FAT4: variants seen among roughly 807,000 people sequenced by gnomAD.
FAT4 encodes the protein FAT atypical cadherin 4.
Under a neutral mutation model 303.9 loss-of-function variants are expected in FAT4, and 84 were observed. That is an observed-to-expected ratio of 0.28 (90% CI 0.23 to 0.33). The LOEUF is 0.33. Ranked by LOEUF, FAT4 falls within the 10% of genes least tolerant of loss-of-function variation. The pLI is 1.00. For missense variants in FAT4, 6,005 were observed against 6,146.8 expected, an observed-to-expected ratio of 0.98 and a Z score of 0.77; for synonymous variants, 2,307 against 2,298.8, an observed-to-expected ratio of 1.00 and a Z score of -0.10.
rs1735020530 is a variant in FAT4 at position 125,415,581 on chromosome 4, T to C, written c.6618T>C (p.Ser2206=). The stretch of plus-strand genomic sequence containing the variant: ...CCAATCAGGAATTTCGGATAGACTC[T>C]GTCACAGGTGCCATCACTGTCGCTA... ...GNTNQEFRID[S]VTGAITVAKP... The change falls in exon 6 of 18, where the codon TCT becomes TCC. Residue 2206 remains serine (S), a synonymous_variant. Coordinates refer to ENST00000394329, the MANE Select transcript of FAT4 (RefSeq NM_001291303.3). The C allele has an allele frequency of 4.3e-6, 7 of 1,614,094 alleles. No homozygotes were observed. Among genetic ancestry groups the C allele is most frequent in the Middle Eastern group, 3.3e-4 (2 of 6,060 alleles).
intron 10 of FAT4, among the ~76,000 whole-genome samples, chr4:125,461,672 A>G (rs1216667510): frequency 1.3e-5 from 2 of 152,064 alleles, no homozygotes; most frequent in Non-Finnish European, 2.9e-5. Flanking sequence ...CCTAGTCAAA[A>G]AGCACAAGTG....
chr4:125,415,263 G>A lies in FAT4; in HGVS notation c.6300G>A (p.Gly2100=). The change falls in exon 6 of 18, where the codon GGG becomes GGA. Residue 2100 remains glycine (G), a synonymous_variant. Coordinates refer to ENST00000394329, the MANE Select transcript of FAT4 (RefSeq NM_001291303.3). ...LNPLGNKFSI[G]TIDGEVRLTG... is the part of the protein sequence containing the mutation. ...CTTTGGGAAACAAGTTCAGTATTGG[G>A]ACCATTGATGGTGAAGTGAGGCTCA... 6.2e-7 allele frequency: 1 copy of A among 1,614,046 alleles called. No individual in the cohort carries two copies. Among genetic ancestry groups the A allele is most frequent in the Non-Finnish European group, 8.5e-7 (1 of 1,179,984 alleles).
intron 2 of FAT4, among the ~76,000 whole-genome samples, chr4:125,327,978 T>G (rs146700089): frequency 6.8e-4 from 103 of 152,276 alleles, no homozygotes; most frequent in African/African-American, 2.4e-3. Context: ...GTTCTGTATT[T>G]CAAGAATTAA....
intron 16 of FAT4, among the ~76,000 whole-genome samples, chr4:125,485,692 A>T (rs553495727): frequency 5.6e-4 from 85 of 152,262 alleles, no homozygotes; most frequent in African/African-American, 2.0e-3. Flanking sequence ...AATAATGATT[A>T]AAAAAACGGT....
intron 7 of FAT4, among the ~76,000 whole-genome samples, chr4:125,424,951 GA>G (rs1393454847): frequency 6.6e-5 from 10 of 152,076 alleles, no homozygotes. Flanking sequence ...GAGATGGGGA[GA>G]AAAAAGATTT....
intron 6 of FAT4, among the ~76,000 whole-genome samples, chr4:125,416,023 C>G (rs1428134787): frequency 6.6e-6 from 1 of 152,140 alleles, no homozygotes; most frequent in African/African-American, 2.4e-5. Flanking sequence ...TTGTATTTTA[C>G]TAGCTTTCTT....
In FAT4 at chr4:125,451,147, C is replaced by A; in HGVS notation, c.10137C>A (p.Asn3379Lys). Residue 3379 changes from asparagine (N) to lysine (K), a missense_variant, in exon 10 of 18, where the codon AAC becomes AAA. Asn to Lys is a moderately conservative substitution (Grantham distance 94). Coordinates refer to ENST00000394329, the MANE Select transcript of FAT4 (RefSeq NM_001291303.3). ...ERVSLKVLAK[N>K]FGSIRGADID... Reference sequence around the variant, plus strand: ...TGTCTTTGAAGGTATTGGCCAAGAACTTTGGCAGCATTAGAGGTGCAGATA... The same window carrying A: ...TGTCTTTGAAGGTATTGGCCAAGAAATTTGGCAGCATTAGAGGTGCAGATA... The A allele has an allele frequency of 6.2e-7, 1 of 1,614,108 alleles. No individual in the cohort carries two copies. The highest frequency in any genetic ancestry group is 8.5e-7 in the Non-Finnish European group (1 of 1,180,012).
intron 12 of FAT4, among the ~76,000 whole-genome samples, chr4:125,472,072 CAAA>C (rs774403195): frequency 2.7e-5 from 2 of 73,438 alleles, no homozygotes; most frequent in Admixed American, 1.7e-4. Context: ...GACTCTGTCT[CAAA>C]AAAAAAAAAA....
At chr4:125,347,320 A>G (rs1732042677) in intron 2 of FAT4, among the ~76,000 whole-genome samples, 1 of 151,304 alleles carries the variant, frequency 6.6e-6, no homozygotes, top group South Asian at 2.1e-4. Flanking sequence ...CAATCAATTA[A>G]TGGTACTAAC....
chr4:125,458,174 T>G (rs1189162288), intron 10 of FAT4, among the ~76,000 whole-genome samples: 1 of 152,068 alleles, frequency 6.6e-6, no homozygotes, highest in Admixed American at 6.6e-5. Context: ...TGCCGGGGGT[T>G]TATTACCTTA....
intron 8 of FAT4, among the ~76,000 whole-genome samples, chr4:125,437,953 C>T (rs554886711): frequency 2.0e-5 from 3 of 152,148 alleles, no homozygotes; most frequent in Non-Finnish European, 4.4e-5. Context: ...AAAAACAATG[C>T]TCAATAAATG....
At chr4:125,362,030 T>C (rs1732695474) in intron 2 of FAT4, among the ~76,000 whole-genome samples, 1 of 152,138 alleles carries the variant, frequency 6.6e-6, no homozygotes, top group Non-Finnish European at 1.5e-5. Flanking sequence ...GACTTCTCAT[T>C]GAAAGACCTT....
chr4:125,396,833 C>CAT (rs1028721657), intron 2 of FAT4, among the ~76,000 whole-genome samples: 1 of 151,014 alleles, frequency 6.6e-6, no homozygotes. Flanking sequence ...AAGGACTATG[C>CAT]ATATATATGC....
chr4:125,454,989 CTG>C (rs1157089709), intron 10 of FAT4, among the ~76,000 whole-genome samples: 12 of 152,140 alleles, frequency 7.9e-5, no homozygotes, highest in African/African-American at 2.7e-4. Context: ...CGGAAGTTAA[CTG>C]TGAGTCTTAT....
intron 2 of FAT4, among the ~76,000 whole-genome samples, chr4:125,394,663 A>G (rs138070490): frequency 2.6e-5 from 4 of 152,278 alleles, no homozygotes; most frequent in South Asian, 4.1e-4. Flanking sequence ...TGTGTTTTAT[A>G]TAACGTTTTA....
chr4:125,490,447 A>C lies in FAT4; in HGVS notation c.13631A>C (p.Lys4544Thr), dbSNP rs1185129705. The C allele has an allele frequency of 6.2e-7, 1 of 1,614,034 alleles. No homozygotes were observed. The highest frequency in any genetic ancestry group is 8.5e-7 in the Non-Finnish European group (1 of 1,180,038). ...KKAKNPKEEK[K>T]PKEKKKKGSE... ...GCCAAAAATCCCAAAGAGGAGAAGA[A>C]ACCGAAGGAGAAGAAGAAAAAGGGA... is the stretch of plus-strand genomic sequence containing the variant. Residue 4544 changes from lysine (K) to threonine (T), a missense_variant, in exon 18 of 18, where the codon AAA becomes ACA. Coordinates refer to ENST00000394329, the MANE Select transcript of FAT4 (RefSeq NM_001291303.3).
chr4:125,407,041 G>A lies in FAT4; in HGVS notation c.5469G>A (p.Ser1823=), dbSNP rs1410316122. 3 of 1,613,612 alleles carry A rather than the reference G, an allele frequency of 1.9e-6. No homozygotes were observed. The highest frequency in any genetic ancestry group is 1.1e-5 in the South Asian group (1 of 91,072). ...GTGCTGATGATGGTCTTCAGTCCTC[G>A]GATATGAGAATTAATATCACTGTCA... ...LVRADDGLQS[S]DMRINITVSD... is the part of the protein sequence containing the mutation. Residue 1823 remains serine (S), a synonymous_variant, in exon 4 of 18, where the codon TCG becomes TCA. Transcript: ENST00000394329.
Position 125,451,348 on chromosome 4 carries a change from C to G in FAT4, c.10338C>G (p.Ile3446Met), listed in dbSNP as rs376736700. The G allele has an allele frequency of 1.2e-5, 19 of 1,613,990 alleles. No homozygotes were observed. The African/African-American group carries it at 2.4e-4, about 20-fold the overall frequency. Reference sequence around the variant, plus strand: ...GCTGGAGCAGGTTTTCTTACTTCATCGGATCAGGGAATGAAAATGGTGCCT... The same window carrying G: ...GCTGGAGCAGGTTTTCTTACTTCATGGGATCAGGGAATGAAAATGGTGCCT... The part of the protein sequence containing the change: ...IPSWSRFSYF[I>M]GSGNENGAFS... Residue 3446 changes from isoleucine (I) to methionine (M), a missense_variant, in exon 10 of 18, where the codon ATC becomes ATG. By Grantham distance (10) the Ile-to-Met change is conservative. Transcript: ENST00000394329.
At chr4:125,344,512 T>C (rs530464759) in intron 2 of FAT4, among the ~76,000 whole-genome samples, 9 of 152,238 alleles carry the variant, frequency 5.9e-5, no homozygotes, top group Admixed American at 4.6e-4. Context: ...TCTTGCTTCT[T>C]TGGGTGCTGA....
Sources: allele counts gnomAD v4.1 joint callset (sites outside exome capture counted in the v4.1 genomes callset), GRCh38; gene constraint gnomAD v4.1.1; transcripts MANE v1.5; gene names NCBI Gene and HGNC (gene_info 2026-07-23, HGNC 2026-07-21).